BMPR1B: variants seen among roughly 807,000 people sequenced by gnomAD.
The protein encoded by BMPR1B is bone morphogenetic protein receptor type-1B.
In BMPR1B, 12 loss-of-function variants were observed where a neutral mutation model predicts 59.1. The observed-to-expected ratio is 0.20, with a 90% CI of 0.13 to 0.33. The LOEUF (loss-of-function observed/expected upper bound fraction) is 0.33, where lower values mean the gene tolerates loss of function less well. Ranked by LOEUF, BMPR1B falls within the 10% of genes least tolerant of loss-of-function variation. BMPR1B has a pLI of 1.00. For missense variants in BMPR1B, 550 were observed against 610.9 expected, an observed-to-expected ratio of 0.90 and a Z score of 1.05; for synonymous variants, 237 against 207.3, an observed-to-expected ratio of 1.14 and a Z score of -1.23.
At chr4:95,063,342 T>G (rs958682269) in intron 3 of BMPR1B, among the ~76,000 whole-genome samples, 1 of 152,300 alleles carries the variant, frequency 6.6e-6, no homozygotes, top group African/African-American at 2.4e-5. Context: ...TAAGGATAGT[T>G]GCTCTTTCAG....
At chr4:94,942,122 A>G (rs1422034363) in intron 2 of BMPR1B, among the ~76,000 whole-genome samples, 3 of 152,226 alleles carry the variant, frequency 2.0e-5, no homozygotes, top group Non-Finnish European at 4.4e-5. Context: ...ACTGGTACTG[A>G]TAAGTGGGAT....
At chr4:94,900,503 T>C (rs1727769543) in intron 2 of BMPR1B, among the ~76,000 whole-genome samples, 2 of 151,998 alleles carry the variant, frequency 1.3e-5, no homozygotes, top group African/African-American at 4.8e-5. Context: ...TTTCAATGCC[T>C]AGTCTCAGCT....
intron 1 of BMPR1B, among the ~76,000 whole-genome samples, chr4:94,856,129 T>A (rs1440385251): frequency 6.6e-6 from 1 of 152,168 alleles, no homozygotes; most frequent in East Asian, 1.9e-4. Flanking sequence ...GATTGTCTCA[T>A]GAAAAAGAAA....
At position 94,985,849 on chromosome 4, in the gene BMPR1B, C is replaced by G. The variant is rs952507472; in HGVS notation, c.-112-10191C>G. 8.5e-5 allele frequency among the ~76,000 whole-genome samples: 13 copies of G among 152,194 alleles called. No homozygotes were observed. The East Asian group carries it at 2.5e-3, about 29-fold the overall frequency. On this transcript the variant is annotated intron_variant, in intron 2 of 12. Transcript: ENST00000515059. ...CTTTCTTATTGCCTATCCCGATGAA[C>G]AAATGAAAGAGCACTTATAAAAATA...
At chr4:95,061,656 A>G (rs547309175) in intron 3 of BMPR1B, among the ~76,000 whole-genome samples, 92 of 152,350 alleles carry the variant, frequency 6.0e-4, no homozygotes, top group African/African-American at 1.9e-3. Flanking sequence ...AAGTCTCACT[A>G]TTAGTACTAG....
At position 95,155,053 on chromosome 4, in the gene BMPR1B, A is replaced by G. The variant is rs1735323492; in HGVS notation, c.*380A>G. ...TTATAGTATTATAGTTTAAATAATA[A>G]CAACAAAATTCTTCCCAGGAACTCT... is the stretch of plus-strand genomic sequence containing the variant. On this transcript the variant is annotated 3_prime_UTR_variant, in exon 13 of 13. Coordinates refer to ENST00000515059, the MANE Select transcript of BMPR1B (RefSeq NM_001203.3). The G allele has an allele frequency of 1.1e-5, 2 of 186,286 alleles. No individual in the cohort carries two copies. Among genetic ancestry groups the G allele is most frequent in the Non-Finnish European group, 1.1e-5 (1 of 88,254 alleles). 11.5% of individuals were successfully genotyped at this position (186,286 alleles called of 1,614,324 possible). A position where few individuals can be genotyped will look rare whatever the true frequency, so the allele number is the denominator to read the frequency against.
At chr4:94,758,880 G>T (rs1721643190) in intron 1 of BMPR1B, among the ~76,000 whole-genome samples, 1 of 151,636 alleles carries the variant, frequency 6.6e-6, no homozygotes, top group African/African-American at 2.4e-5. Context: ...TCCCTCCTCT[G>T]TCCCTTCATC....
intron 3 of BMPR1B, among the ~76,000 whole-genome samples, chr4:95,000,673 A>G (rs1422584943): frequency 6.6e-6 from 1 of 152,170 alleles, no homozygotes; most frequent in African/African-American, 2.4e-5. Context: ...ACGTAGAAAT[A>G]TACCAAGTTC....
At chr4:94,882,980 G>GTGTGTGTA (rs1386076135) in intron 2 of BMPR1B, among the ~76,000 whole-genome samples, 1 of 144,400 alleles carries the variant, frequency 6.9e-6, no homozygotes, top group African/African-American at 2.6e-5. Context: ...GTGTGTGTAT[G>GTGTGTGTA]TGTGTGTGTG....
At chr4:95,020,329 C>T (rs1209937954) in intron 3 of BMPR1B, among the ~76,000 whole-genome samples, 1 of 152,114 alleles carries the variant, frequency 6.6e-6, no homozygotes, top group Non-Finnish European at 1.5e-5. Context: ...CCTGTAATCC[C>T]AGCACTTTGG....
At chr4:94,817,753 G>A (rs373648178) in intron 1 of BMPR1B, among the ~76,000 whole-genome samples, 25 of 152,162 alleles carry the variant, frequency 1.6e-4, no homozygotes, top group Admixed American at 8.5e-4. Flanking sequence ...TGGGAAGGGC[G>A]ATGGTTTCCC....
intron 10 of BMPR1B, among the ~76,000 whole-genome samples, chr4:95,132,350 G>C (rs961112090): frequency 6.6e-6 from 1 of 152,058 alleles, no homozygotes; most frequent in Non-Finnish European, 1.5e-5. Context: ...GGAGCACAAA[G>C]AAAAAGTCAT....
At chr4:94,859,646 T>C (rs1332045040) in intron 1 of BMPR1B, among the ~76,000 whole-genome samples, 1 of 152,104 alleles carries the variant, frequency 6.6e-6, no homozygotes, top group East Asian at 1.9e-4. Context: ...AGGGTGGCAG[T>C]TTTGTGGCCA....
intron 3 of BMPR1B, among the ~76,000 whole-genome samples, chr4:95,033,036 T>G (rs61704320): frequency 0.041 from 6,309 of 152,250 alleles, 441 homozygotes; most frequent in African/African-American, 0.14. Context: ...AGTATCTCAT[T>G]GTGGTTTTGA....
At chr4:94,962,240 C>T (rs1384656551) in intron 2 of BMPR1B, among the ~76,000 whole-genome samples, 2 of 151,608 alleles carry the variant, frequency 1.3e-5, no homozygotes, top group East Asian at 1.9e-4. Context: ...CAGGTTCATG[C>T]GATTCTCTTG....
At chr4:94,789,218 T>G (rs527774769) in intron 1 of BMPR1B, among the ~76,000 whole-genome samples, 8 of 152,310 alleles carry the variant, frequency 5.3e-5, no homozygotes, top group Non-Finnish European at 1.0e-4. Flanking sequence ...AGATGACACT[T>G]CAGCTCATGA....
intron 1 of BMPR1B, among the ~76,000 whole-genome samples, chr4:94,831,943 T>A (rs1353715301): frequency 6.6e-6 from 1 of 152,218 alleles, no homozygotes; most frequent in Non-Finnish European, 1.5e-5. Context: ...AATCTGTCAC[T>A]GTCTCCCATC....
intron 2 of BMPR1B, among the ~76,000 whole-genome samples, chr4:94,895,669 C>CTT (rs34398430): frequency 1.4e-5 from 2 of 146,142 alleles, no homozygotes; most frequent in African/African-American, 5.0e-5. Context: ...TGTGTGACAT[C>CTT]TTTTTTTTTT....
chr4:95,156,485 G>T lies in BMPR1B; in HGVS notation c.*1812G>T, dbSNP rs1033346282. 6.6e-6 allele frequency: 1 copy of T among 151,992 alleles called. No individual in the cohort carries two copies. The highest frequency in any genetic ancestry group is 2.4e-5 in the African/African-American group (1 of 41,374). 9.4% of individuals were successfully genotyped at this position (151,992 alleles called of 1,614,324 possible). The stretch of plus-strand genomic sequence containing the variant: ...CACTTCTGAAGTCGGTTTGCAGCTG[G>T]TAACTTGTTCATCCAGAAAACATTC... On this transcript the variant is annotated 3_prime_UTR_variant, in exon 13 of 13. Coordinates refer to ENST00000515059, the MANE Select transcript of BMPR1B (RefSeq NM_001203.3).
Sources: gnomAD v4.1 joint callset for allele counts (sites outside exome capture counted in the v4.1 genomes callset) on GRCh38, gnomAD v4.1.1 for gene constraint, MANE v1.5 for transcripts, NCBI Gene and HGNC (gene_info 2026-07-23, HGNC 2026-07-21) for gene names.